NCALD: variants seen among roughly 807,000 people sequenced by gnomAD.
The protein encoded by NCALD is neurocalcin delta.
Under a neutral mutation model 18.6 loss-of-function variants are expected in NCALD, and 10 were observed. The observed-to-expected ratio is 0.54, with a 90% CI of 0.33 to 0.91. NCALD has a LOEUF of 0.91. Ranked by LOEUF, NCALD falls within the 40% of genes least tolerant of loss-of-function variation. The pLI, the probability that NCALD is intolerant of heterozygous loss-of-function variation, is 0.03. For synonymous variants in NCALD, 88 were observed against 87.4 expected, an observed-to-expected ratio of 1.01 and a Z score of -0.04; for missense variants, 184 against 247.6, an observed-to-expected ratio of 0.74 and a Z score of 1.72.
intron 2 of NCALD, among the ~76,000 whole-genome samples, chr8:101,709,340 C>A (rs1256794279): frequency 1.3e-5 from 2 of 152,250 alleles, no homozygotes; most frequent in East Asian, 1.9e-4. Context: ...CTCACCCTCA[C>A]ATGCCTATTC....
intron 1 of NCALD, among the ~76,000 whole-genome samples, chr8:101,725,849 G>A (rs1249276238): frequency 6.6e-6 from 1 of 152,196 alleles, no homozygotes. Context: ...AAATAAGTAA[G>A]TGAAATGATA....
At chr8:101,825,629 T>C (rs902207636) in intron 4 of NCALD, among the ~76,000 whole-genome samples, 2 of 152,222 alleles carry the variant, frequency 1.3e-5, no homozygotes, top group Admixed American at 6.5e-5. Flanking sequence ...GGATATCCTG[T>C]GGCAGTAATT....
intron 1 of NCALD, among the ~76,000 whole-genome samples, chr8:102,079,663 G>C (rs1319838962): frequency 1.3e-5 from 2 of 152,172 alleles, no homozygotes; most frequent in Admixed American, 6.5e-5. Context: ...TAGCAACAAG[G>C]AGCCCTATGT....
intron 3 of NCALD, among the ~76,000 whole-genome samples, chr8:101,892,267 C>T (rs1302513892): frequency 6.1e-5 from 9 of 146,770 alleles, no homozygotes; most frequent in Non-Finnish European, 5.9e-5. Context: ...ACACCTCACA[C>T]GGCAGGGTAT....
intron 1 of NCALD, among the ~76,000 whole-genome samples, chr8:101,753,923 T>C (rs1203890845): frequency 6.6e-6 from 1 of 152,176 alleles, no homozygotes; most frequent in East Asian, 1.9e-4. Context: ...ATTTAAGATA[T>C]TTTGGGTTAT....
chr8:102,065,183 C>A (rs1219387753), intron 1 of NCALD, among the ~76,000 whole-genome samples: 1 of 151,810 alleles, frequency 6.6e-6, no homozygotes, highest in African/African-American at 2.4e-5. Context: ...AAATGCTGAG[C>A]GGCTGCAACA....
At chr8:102,108,438 C>T (rs759373104) in intron 1 of NCALD, among the ~76,000 whole-genome samples, 4 of 152,150 alleles carry the variant, frequency 2.6e-5, no homozygotes, top group Admixed American at 6.5e-5. Flanking sequence ...AAATATGCAT[C>T]GGTCAAGTCC....
At chr8:102,093,283 G>A (rs1208374155) in intron 1 of NCALD, among the ~76,000 whole-genome samples, 1 of 152,174 alleles carries the variant, frequency 6.6e-6, no homozygotes, top group East Asian at 1.9e-4. Context: ...AAGAGTGACT[G>A]TTTTGGGGTC....
rs1446081440 is a variant in NCALD at position 101,897,371 on chromosome 8, T to C, written c.-106-10144A>G. On this transcript the variant is annotated intron_variant, in intron 3 of 6. Coordinates refer to the NCALD transcript ENST00000311028. ...TCACACTCTGGGGACTGTGGTGGGG[T>C]GGGGGGAGGGGGGAGGGATAGCATT... 3.2e-5 allele frequency among the ~76,000 whole-genome samples: 3 copies of C among 92,512 alleles called. No individual in the cohort carries two copies. In the East Asian group the frequency reaches 1.0e-3, roughly 32 times the overall value. The allele number at this position is 92,512 out of a possible 152,430, so 60.7% of individuals were successfully genotyped here.
At chr8:101,778,216 A>G (rs1434672829) in intron 1 of NCALD, among the ~76,000 whole-genome samples, 10 of 152,202 alleles carry the variant, frequency 6.6e-5, no homozygotes, top group Non-Finnish European at 1.5e-5. Context: ...CTTTCCATTC[A>G]GGAAGAGAAG....
At chr8:101,914,569 G>T (rs1368929646) in intron 3 of NCALD, among the ~76,000 whole-genome samples, 2 of 152,046 alleles carry the variant, frequency 1.3e-5, no homozygotes, top group Non-Finnish European at 1.5e-5. Flanking sequence ...ACATTATTTG[G>T]AATTCTTCTA....
At chr8:102,062,996 G>A (rs1252844832) in intron 1 of NCALD, among the ~76,000 whole-genome samples, 1 of 152,082 alleles carries the variant, frequency 6.6e-6, no homozygotes, top group East Asian at 1.9e-4. Flanking sequence ...GACCTCCAGG[G>A]TTGACCAGTT....
chr8:101,771,340 T>C (rs1199449255), intron 1 of NCALD, among the ~76,000 whole-genome samples: 1 of 152,188 alleles, frequency 6.6e-6, no homozygotes, highest in African/African-American at 2.4e-5. Flanking sequence ...ATTCCTAGGA[T>C]GCAGGAGCAT....
rs531933404 is a variant in NCALD, at chr8:101,836,664, A to T, written c.-20+50477T>A. Among the ~76,000 whole-genome samples, 3 of 152,352 alleles carry T rather than the reference A, an allele frequency of 2.0e-5. No homozygotes were observed. The East Asian group carries it at 5.8e-4, about 29-fold the overall frequency. On this transcript the variant is annotated intron_variant, in intron 4 of 6. Coordinates refer to the NCALD transcript ENST00000311028. ...AACCCCCTAATAAAGATGATCACTC[A>T]TTTCTAATTCTAACATGCTATCATT...
intron 2 of NCALD, among the ~76,000 whole-genome samples, chr8:101,946,443 A>C (rs1224132494): frequency 2.0e-5 from 3 of 152,190 alleles, no homozygotes; most frequent in Non-Finnish European, 2.9e-5. Context: ...AAGTTTATGG[A>C]AAATGCATAT....
At chr8:101,846,376 G>A (rs1440854851) in intron 4 of NCALD, among the ~76,000 whole-genome samples, 1 of 152,008 alleles carries the variant, frequency 6.6e-6, no homozygotes, top group Non-Finnish European at 1.5e-5. Context: ...AATACTTTTT[G>A]TTTGGCAACT....
chr8:101,919,452 T>G (rs560039824), intron 2 of NCALD, among the ~76,000 whole-genome samples: 2 of 152,236 alleles, frequency 1.3e-5, no homozygotes, highest in East Asian at 3.9e-4. Context: ...GAAAACACCA[T>G]TCTGGACATT....
intron 4 of NCALD, among the ~76,000 whole-genome samples, chr8:101,817,030 T>C (rs1055553741): frequency 2.6e-5 from 4 of 152,056 alleles, no homozygotes; most frequent in Admixed American, 2.0e-4. Flanking sequence ...CTTCAGAGTG[T>C]TTCTATCCAT....
intron 1 of NCALD, among the ~76,000 whole-genome samples, chr8:102,082,214 G>A (rs774816757): frequency 2.2e-4 from 31 of 137,920 alleles, no homozygotes; most frequent in South Asian, 2.4e-4. Context: ...GCAGTTATTT[G>A]AGAAGCTCTC....
Sources: allele counts gnomAD v4.1 joint callset (sites outside exome capture counted in the v4.1 genomes callset), GRCh38; gene constraint gnomAD v4.1.1; transcripts MANE v1.5; gene names NCBI Gene and HGNC (gene_info 2026-07-23, HGNC 2026-07-21).